PSPC1: variants seen among roughly 807,000 people sequenced by gnomAD.
PSPC1 encodes paraspeckle protein 1.
A neutral mutation model predicts 51.6 loss-of-function variants in PSPC1; 14 were observed. The observed-to-expected ratio is 0.27, with a 90% confidence interval of 0.18 to 0.42. The LOEUF (loss-of-function observed/expected upper bound fraction) is 0.42, where lower values mean the gene tolerates loss of function less well. Among genes scored for constraint, PSPC1 ranks in the 10% least tolerant of loss-of-function variants. PSPC1 has a pLI of 1.00. For missense variants in PSPC1, 406 were observed against 701.1 expected (o/e 0.58, Z 4.75); for synonymous variants, 193 against 231.9 (o/e 0.83, Z 1.53).
Position 19,765,543 on chromosome 13 carries a change from A to T in PSPC1, c.675-6125T>A, listed in dbSNP as rs116233573. Among the ~76,000 whole-genome samples the T allele has an allele frequency of 3.9e-3, 581 of 147,644 alleles. 8 individuals carry two copies. Among genetic ancestry groups the T allele is most frequent in the African/African-American group, 0.013 (529 of 39,882 alleles). ...AGAGACGGGTCTCACGACGTTGCTC[A>T]GGCTAGTCTCGAACTCCCGGGCTCA... On this transcript the variant is annotated intron_variant, in intron 2 of 8. Transcript: ENST00000338910.
chr13:19,751,858 C>T lies in PSPC1; in HGVS notation c.771-391G>A, dbSNP rs190840099. On this transcript the variant is annotated intron_variant, in intron 3 of 8. Coordinates refer to ENST00000338910, the MANE Select transcript of PSPC1 (RefSeq NM_001354909.2). ...AGATCACGAGGTCAGGATATCAAGA[C>T]CATCCTGGCTAACGTTGTGAAATCC... 8.9e-3 allele frequency among the ~76,000 whole-genome samples: 1,354 copies of T among 152,198 alleles called. 16 individuals carry two copies. The highest frequency in any genetic ancestry group is 0.017 in the Middle Eastern group (5 of 294).
intron 7 of PSPC1, among the ~76,000 whole-genome samples, chr13:19,707,521 T>C (rs1425501226): frequency 6.6e-6 from 1 of 152,218 alleles, no homozygotes; most frequent in Non-Finnish European, 1.5e-5. Context: ...TGGATGATAA[T>C]GATTAATAGC....
At chr13:19,728,149 C>T (rs994851248) in intron 6 of PSPC1, among the ~76,000 whole-genome samples, 3 of 151,900 alleles carry the variant, frequency 2.0e-5, no homozygotes, top group Non-Finnish European at 4.4e-5. Context: ...AAAAGATGAC[C>T]AGATATGACA....
chr13:19,741,327 TA>T (rs1250237332), intron 5 of PSPC1, among the ~76,000 whole-genome samples: 5 of 152,220 alleles, frequency 3.3e-5, no homozygotes, highest in Non-Finnish European at 7.3e-5. Flanking sequence ...ATAAATTACA[TA>T]TAATAATACC....
chr13:19,743,199 A>G (rs1885609420), intron 4 of PSPC1, among the ~76,000 whole-genome samples: 1 of 152,224 alleles, frequency 6.6e-6, no homozygotes, highest in South Asian at 2.1e-4. Flanking sequence ...ATTTTAAAAT[A>G]ATAAAATGTT....
intron 3 of PSPC1, among the ~76,000 whole-genome samples, chr13:19,758,936 A>G (rs1887352582): frequency 6.6e-6 from 1 of 152,138 alleles, no homozygotes; most frequent in East Asian, 1.9e-4. Context: ...TCCCTGCCCC[A>G]GTTATAAAAG....
At chr13:19,679,050 G>A (rs756468376) in intron 6 of PSPC1, 4 of 152,188 alleles carry the variant, frequency 2.6e-5, no homozygotes, top group Middle Eastern at 3.2e-3. Flanking sequence ...CAACATGCCT[G>A]TCCTGTAAGT....
At chr13:19,712,198 C>T (rs1193443813) in intron 6 of PSPC1, among the ~76,000 whole-genome samples, 1 of 152,092 alleles carries the variant, frequency 6.6e-6, no homozygotes, top group Non-Finnish European at 1.5e-5. Context: ...TTGGGGAGGA[C>T]AGGATTTCAA....
chr13:19,734,823 T>C (rs1884572182), intron 5 of PSPC1, among the ~76,000 whole-genome samples: 1 of 149,698 alleles, frequency 6.7e-6, no homozygotes, highest in African/African-American at 2.5e-5. Context: ...AATAAGAATA[T>C]AAAAATTAGC....
intron 7 of PSPC1, among the ~76,000 whole-genome samples, chr13:19,677,099 G>A (rs1340108601): frequency 2.0e-5 from 3 of 152,058 alleles, no homozygotes; most frequent in East Asian, 1.9e-4. Flanking sequence ...CGGGCATGGT[G>A]GCAGGCGCCT....
At chr13:19,717,024 T>C (rs1882182691) in intron 6 of PSPC1, among the ~76,000 whole-genome samples, 1 of 150,880 alleles carries the variant, frequency 6.6e-6, no homozygotes, top group African/African-American at 2.4e-5. Flanking sequence ...ACCCCATCTC[T>C]ATGAAAAGCT....
intron 1 of PSPC1, among the ~76,000 whole-genome samples, chr13:19,779,233 A>G (rs1339345705): frequency 1.3e-5 from 1 of 74,348 alleles, no homozygotes; most frequent in Non-Finnish European, 3.0e-5. Flanking sequence ...CCATCTGGGA[A>G]GTGAGGAGCG....
chr13:19,741,428 A>G, intron 5 of PSPC1, 137 bp downstream of exon 5: 2 of 582,778 alleles, frequency 3.4e-6, no homozygotes, highest in Non-Finnish European at 5.9e-6. Flanking sequence ...TTATGAAGTA[A>G]TTCACTGTAT....
chr13:19,674,329 A>T (rs1286513672), downstream of PSPC1, among the ~76,000 whole-genome samples: 1 of 152,242 alleles, frequency 6.6e-6, no homozygotes, highest in East Asian at 1.9e-4. Context: ...TTCAGTCCAG[A>T]AATAGAAAAA....
chr13:19,735,667 A>C (rs1324876603), intron 5 of PSPC1, among the ~76,000 whole-genome samples: 2 of 152,194 alleles, frequency 1.3e-5, no homozygotes, highest in Non-Finnish European at 2.9e-5. Flanking sequence ...GCTTGTTAAC[A>C]AATAAAGCTA....
intron 6 of PSPC1, among the ~76,000 whole-genome samples, chr13:19,682,747 G>A (rs927667022): frequency 1.3e-5 from 2 of 152,098 alleles, no homozygotes; most frequent in African/African-American, 4.8e-5. Flanking sequence ...TTACTTGGCA[G>A]TTTCTAAGAA....
intron 1 of PSPC1, among the ~76,000 whole-genome samples, chr13:19,779,668 G>A (rs1477128158): frequency 1.3e-4 from 9 of 66,770 alleles, no homozygotes; most frequent in Non-Finnish European, 1.9e-4. Flanking sequence ...CAGCCGCCCC[G>A]TCCGGGAGGG....
chr13:19,716,193 A>G (rs1476649776), intron 6 of PSPC1, among the ~76,000 whole-genome samples: 1 of 152,162 alleles, frequency 6.6e-6, no homozygotes, highest in African/African-American at 2.4e-5. Flanking sequence ...AAATTCCAAT[A>G]CACTTCTAGT....
chr13:19,688,567 G>A (rs184953305), intron 6 of PSPC1, among the ~76,000 whole-genome samples: 7 of 152,118 alleles, frequency 4.6e-5, no homozygotes, highest in African/African-American at 1.7e-4. Flanking sequence ...CATAATTAAT[G>A]TGCTGTCTTC....
Sources: allele counts gnomAD v4.1 joint callset (sites outside exome capture counted in the v4.1 genomes callset), GRCh38; gene constraint gnomAD v4.1.1; transcripts MANE v1.5; gene names NCBI Gene and HGNC (gene_info 2026-07-23, HGNC 2026-07-21).